LMTK2: variants seen among roughly 807,000 people sequenced by gnomAD.
LMTK2 encodes lemur tail kinase 2, also known as serine/threonine-protein kinase LMTK2.
Under a neutral mutation model 127.5 loss-of-function variants are expected in LMTK2, and 37 were observed. The ratio of observed to expected loss-of-function variants is 0.29; its 90% confidence interval spans 0.22 to 0.38. The LOEUF is 0.38. LMTK2 is among the 10% of genes least tolerant of loss of function. The pLI, the probability that LMTK2 is intolerant of heterozygous loss-of-function variation, is 1.00. For synonymous variants in LMTK2, 819 were observed against 810.1 expected, an observed-to-expected ratio of 1.01 and a Z score of -0.19; for missense variants, 1,694 against 1,920.3, an observed-to-expected ratio of 0.88 and a Z score of 2.20.
Position 98,205,874 on chromosome 7 carries a change from G to A in LMTK2, c.*382G>A. The A allele has an allele frequency of 4.0e-6, 1 of 252,408 alleles. No homozygotes were observed. The highest frequency in any genetic ancestry group is 7.8e-6 in the Non-Finnish European group (1 of 128,680). The allele number at this position is 252,408 out of a possible 1,614,324, so 15.6% of individuals were successfully genotyped here. A position where few individuals can be genotyped will look rare whatever the true frequency, so the allele number is the denominator to read the frequency against. On this transcript the variant is annotated 3_prime_UTR_variant, in exon 14 of 14. Transcript: ENST00000297293. ...CTCTGCGTCCACGCCTGCACATCCC[G>A]GCGCACGTGTGGGCACCACAGAGGA...
Position 98,208,205 on chromosome 7 carries a change from T to G in LMTK2, c.*2713T>G, listed in dbSNP as rs1186639877. On this transcript the variant is annotated 3_prime_UTR_variant, in exon 14 of 14. Coordinates refer to ENST00000297293, the MANE Select transcript of LMTK2 (RefSeq NM_014916.4). ...CCAAAAAAGCATTTTATACATTGAG[T>G]TGGGGGGTAGTGGATCTTAGTGTGG... 6.6e-6 allele frequency: 1 copy of G among 151,966 alleles called. No homozygotes were observed. The highest frequency in any genetic ancestry group is 1.5e-5 in the Non-Finnish European group (1 of 67,996). 9.4% of individuals were successfully genotyped at this position (151,966 alleles called of 1,614,324 possible).
chr7:98,158,447 C>T (rs889940630), intron 5 of LMTK2, among the ~76,000 whole-genome samples: 1 of 152,140 alleles, frequency 6.6e-6, no homozygotes, highest in African/African-American at 2.4e-5. Context: ...ATTAGTTTTT[C>T]TGTCTTTTGT....
intron 5 of LMTK2, among the ~76,000 whole-genome samples, chr7:98,157,482 C>G (rs1374064815): frequency 1.3e-5 from 2 of 151,994 alleles, no homozygotes; most frequent in African/African-American, 4.8e-5. Flanking sequence ...GCCATTTATT[C>G]CAGAGCAGTG....
At chr7:98,136,685 G>A (rs931111994) in intron 1 of LMTK2, among the ~76,000 whole-genome samples, 5 of 152,192 alleles carry the variant, frequency 3.3e-5, no homozygotes, top group African/African-American at 4.8e-5. Flanking sequence ...TAGGTCATGC[G>A]CCCTGCTGTG....
intron 4 of LMTK2, 116 bp downstream of exon 4, chr7:98,151,571 A>T (rs1372448947): frequency 1.3e-6 from 1 of 773,396 alleles, no homozygotes; most frequent in Non-Finnish European, 2.1e-6. Flanking sequence ...CTGCGTTACT[A>T]ATTGAGTTTC....
rs1797800652 is a variant in LMTK2 at position 98,206,534 on chromosome 7, A to C, written c.*1042A>C. The C allele has an allele frequency of 6.6e-6, 1 of 152,206 alleles. No individual in the cohort carries two copies. Among genetic ancestry groups the C allele is most frequent in the Non-Finnish European group, 1.5e-5 (1 of 68,040 alleles). 9.4% of individuals were successfully genotyped at this position (152,206 alleles called of 1,614,324 possible). A position where few individuals can be genotyped will look rare whatever the true frequency, so the allele number is the denominator to read the frequency against. Reference sequence around the variant, plus strand: ...GGCACCGCACCGCTTCCCTCCGCGCAGCTCTTCTGCCTGGTTTTCGGAGGC... The same window carrying C: ...GGCACCGCACCGCTTCCCTCCGCGCCGCTCTTCTGCCTGGTTTTCGGAGGC... On this transcript the variant is annotated 3_prime_UTR_variant, in exon 14 of 14. Transcript: ENST00000297293.
chr7:98,204,588 C>T (rs1797761002), intron 13 of LMTK2, among the ~76,000 whole-genome samples: 1 of 152,256 alleles, frequency 6.6e-6, no homozygotes. Flanking sequence ...GATTGTGCCA[C>T]TGCCCTCCAG....
At chr7:98,169,107 A>G (rs1797147750) in intron 6 of LMTK2, among the ~76,000 whole-genome samples, 1 of 152,174 alleles carries the variant, frequency 6.6e-6, no homozygotes, top group Non-Finnish European at 1.5e-5. Context: ...CTGTGGTACC[A>G]GGAGAGCTCT....
intron 11 of LMTK2, among the ~76,000 whole-genome samples, chr7:98,200,030 ATTCTT>A: frequency 6.6e-6 from 1 of 151,862 alleles, no homozygotes; most frequent in East Asian, 1.9e-4. Flanking sequence ...TTTTATTTCT[ATTCTT>A]CCTCTTTTTA....
Position 98,192,422 on chromosome 7 carries a change from G to C in LMTK2, c.1957G>C (p.Asp653His). 6.2e-7 allele frequency: 1 copy of C among 1,611,478 alleles called. No homozygotes were observed. Among genetic ancestry groups the C allele is most frequent in the Non-Finnish European group, 8.5e-7 (1 of 1,179,470 alleles). ...TTTGCCCAGTCACCAAAAAATATTC[G>C]ACTTAATGGAATTAAACGGAGTTCA... ...EDLPSHQKIF[D>H]LMELNGVQAD... is the part of the protein sequence containing the mutation. Residue 653 changes from aspartate (D) to histidine (H), a missense_variant, in exon 11 of 14, where the codon GAC (aspartate) becomes CAC (histidine). By Grantham distance (81) the Asp-to-His change is moderately conservative. This residue lies in a region of LMTK2 where 527 missense variants were observed against 539.8 expected (regional missense o/e 0.98). Transcript: ENST00000297293.
Position 98,193,414 on chromosome 7 carries a change from G to A in LMTK2, c.2949G>A (p.Leu983=), listed in dbSNP as rs763245327. The A allele has an allele frequency of 1.6e-5, 26 of 1,614,130 alleles. No individual in the cohort carries two copies. In the East Asian group the frequency reaches 3.3e-4, roughly 21 times the overall value. The change falls in exon 11 of 14, where the codon TTG becomes TTA. Residue 983 remains leucine (L), a synonymous_variant. Transcript: ENST00000297293. The surrounding 1 kb of genome is among the most constrained non-coding windows in gnomAD (Gnocchi z 4.1). ...AGGACAGCCTCCTGGAGGACAGCTT[G>A]TCAGCACCCTTCCCAGCCTCTGAGC... The part of the protein sequence containing the change: ...TSQDSLLEDS[L]SAPFPASEPS...
At position 98,180,976 on chromosome 7, in the gene LMTK2, G is replaced by A. The variant is rs186918077; in HGVS notation, c.792-4075G>A. On this transcript the variant is annotated intron_variant, in intron 7 of 13. Transcript: ENST00000297293. ...GAGAAAGAGGAGGGGAGGAGGAGGA[G>A]GATTCAGGGAATAGGAGCTGGGGAG... Among the ~76,000 whole-genome samples, 14 of 152,222 alleles carry A rather than the reference G, an allele frequency of 9.2e-5. No individual in the cohort carries two copies. In the East Asian group the frequency reaches 2.7e-3, roughly 29 times the overall value.
intron 4 of LMTK2, among the ~76,000 whole-genome samples, chr7:98,151,965 A>G (rs1260117716): frequency 2.0e-5 from 3 of 152,130 alleles, no homozygotes; most frequent in Non-Finnish European, 2.9e-5. Flanking sequence ...AGACATTTCG[A>G]TCATAACAAA....
At chr7:98,118,747 T>G (rs1262386379) in intron 1 of LMTK2, among the ~76,000 whole-genome samples, 1 of 152,178 alleles carries the variant, frequency 6.6e-6, no homozygotes, top group Admixed American at 6.5e-5. Context: ...GAAGTAAGTG[T>G]GTTTTTATAA....
chr7:98,202,984 C>T (rs1437029739), intron 11 of LMTK2, among the ~76,000 whole-genome samples: 1 of 152,188 alleles, frequency 6.6e-6, no homozygotes, highest in Non-Finnish European at 1.5e-5. Flanking sequence ...AAAAACTCAG[C>T]GAGGGTCCCC....
chr7:98,141,217 C>T (rs1458788554), intron 2 of LMTK2, among the ~76,000 whole-genome samples, 180 bp from the exon 3 acceptor site: 4 of 151,824 alleles, frequency 2.6e-5, no homozygotes, highest in Admixed American at 1.3e-4. Flanking sequence ...AATTTATTTT[C>T]CTGTCTTATG....
At chr7:98,140,193 T>TTTC (rs1796673008) in intron 2 of LMTK2, among the ~76,000 whole-genome samples, 1 of 8,504 alleles carries the variant, frequency 1.2e-4, no homozygotes, top group African/African-American at 3.4e-4. Context: ...TTCTTCTTTC[T>TTTC]GTCTTTGAGA....
chr7:98,141,977 T>C (rs557253187), intron 3 of LMTK2, among the ~76,000 whole-genome samples: 51 of 152,326 alleles, frequency 3.3e-4, no homozygotes, highest in Non-Finnish European at 6.5e-4. Flanking sequence ...GGTTTGGTTC[T>C]GTGTTAGTTG....
At chr7:98,119,793 C>T (rs1403917181) in intron 1 of LMTK2, among the ~76,000 whole-genome samples, 1 of 152,170 alleles carries the variant, frequency 6.6e-6, no homozygotes, top group Non-Finnish European at 1.5e-5. Context: ...TGTGCTGTAA[C>T]GTGAGAACCC....
Sources: gnomAD v4.1 joint callset for allele counts (sites outside exome capture counted in the v4.1 genomes callset) on GRCh38, gnomAD v4.1.1 for gene constraint, gnomAD v4.1.1 regional missense constraint, Gnocchi (gnomAD v3.1) non-coding constraint, MANE v1.5 for transcripts, NCBI Gene and HGNC (gene_info 2026-07-23, HGNC 2026-07-21) for gene names.